PRDM6: variants seen among roughly 807,000 people sequenced by gnomAD.
The protein encoded by PRDM6 is PR/SET domain 6.
PRDM6 carries 25 observed loss-of-function variants against 60.8 expected under a neutral mutation model. The ratio of observed to expected loss-of-function variants is 0.41; its 90% CI spans 0.30 to 0.57. The LOEUF is 0.57. Ranked by LOEUF, PRDM6 falls within the 20% of genes least tolerant of loss-of-function variation. The pLI is 0.27. For synonymous variants in PRDM6, 407 were observed against 357.4 expected (o/e 1.14, Z -1.57); for missense variants, 839 against 821.3 (o/e 1.02, Z -0.26).
Position 123,090,139 on chromosome 5 carries a change from G to C in PRDM6, c.125G>C (p.Gly42Ala), listed in dbSNP as rs1010829654. 3.3e-6 allele frequency: 5 copies of C among 1,534,522 alleles called. No homozygotes were observed. The highest frequency in any genetic ancestry group is 1.2e-5 in the South Asian group (1 of 83,050). Residue 42 changes from glycine to alanine, a missense_variant, in exon 2 of 8, where the codon GGT (glycine) becomes GCT (alanine). Physicochemically the swap from Gly to Ala is moderately conservative, Grantham distance 60. This residue lies in a region of PRDM6 where 730 missense variants were observed against 648.8 expected (regional missense o/e 1.13). Transcript: ENST00000407847. The part of the protein sequence containing the change: ...AGPLKGSGAA[G>A]LLSAPQPLQP... ...CCGCTCAAGGGCAGCGGCGCCGCGG[G>C]TCTCCTGAGCGCGCCGCAGCCTCTT...
At chr5:123,124,591 T>C (rs1177637791) in intron 3 of PRDM6, among the ~76,000 whole-genome samples, 1 of 152,230 alleles carries the variant, frequency 6.6e-6, no homozygotes, top group Non-Finnish European at 1.5e-5. Flanking sequence ...AACTTTGCTG[T>C]TTTTGGCAAT....
At chr5:123,146,499 G>A (rs977559947) in intron 3 of PRDM6, among the ~76,000 whole-genome samples, 1 of 151,984 alleles carries the variant, frequency 6.6e-6, no homozygotes, top group Non-Finnish European at 1.5e-5. Context: ...TTTCCTGTTT[G>A]GTATAAAACT....
chr5:123,181,194 C>A (rs183750562), intron 7 of PRDM6, among the ~76,000 whole-genome samples: 65 of 152,296 alleles, frequency 4.3e-4, no homozygotes, highest in African/African-American at 1.5e-3. Context: ...ACAAGAGATA[C>A]AAAGGTGAAT....
chr5:123,090,251 C>A lies in PRDM6; in HGVS notation c.237C>A (p.Ala79=). The A allele has an allele frequency of 6.7e-7, 1 of 1,487,350 alleles. No individual in the cohort carries two copies. The highest frequency in any genetic ancestry group is 8.9e-7 in the Non-Finnish European group (1 of 1,118,980). 92.1% of individuals were successfully genotyped at this position (1,487,350 alleles called of 1,614,324 possible). The change falls in exon 2 of 8, where the codon GCC becomes GCA. Residue 79 remains alanine (A), a synonymous_variant. Coordinates refer to ENST00000407847, the MANE Select transcript of PRDM6 (RefSeq NM_001136239.4). ...LRPRPASLSS[A]SSTPASSSTS... ...CGCGGCCCGCCTCTCTCTCCTCCGC[C>A]TCGTCCACGCCGGCTTCCTCTTCCA... is the stretch of plus-strand genomic sequence containing the variant.
intron 3 of PRDM6, among the ~76,000 whole-genome samples, chr5:123,101,759 T>C (rs1764108885): frequency 6.6e-6 from 1 of 152,232 alleles, no homozygotes; most frequent in East Asian, 1.9e-4. Flanking sequence ...TTTGAATGAT[T>C]GGGATGTTGG....
At chr5:123,148,045 G>A (rs747544839) in intron 3 of PRDM6, among the ~76,000 whole-genome samples, 7 of 152,138 alleles carry the variant, frequency 4.6e-5, no homozygotes, top group Non-Finnish European at 8.8e-5. Context: ...TCACATGGCC[G>A]GCTCTCTGAT....
intron 3 of PRDM6, among the ~76,000 whole-genome samples, chr5:123,106,259 T>C (rs1764195440): frequency 6.6e-6 from 1 of 152,128 alleles, no homozygotes; most frequent in Non-Finnish European, 1.5e-5. Context: ...GAGCATAGTG[T>C]GCAGCCTGGG....
rs565991036 is a variant in PRDM6, at chr5:123,104,034, C to G, written c.900+4073C>G. 4.6e-5 allele frequency among the ~76,000 whole-genome samples: 7 copies of G among 152,092 alleles called. No individual in the cohort carries two copies. The South Asian group carries it at 1.5e-3, about 32-fold the overall frequency. ...CGTTTTCATTTGCACTATGTGGAAACCTTCATTATTTTTCTTCAGAAAATC... is the reference window on the plus strand; with the variant it reads ...CGTTTTCATTTGCACTATGTGGAAAGCTTCATTATTTTTCTTCAGAAAATC... On this transcript the variant is annotated intron_variant, in intron 3 of 7. Transcript: ENST00000407847.
intron 3 of PRDM6, among the ~76,000 whole-genome samples, chr5:123,150,767 G>A (rs1258006677): frequency 6.6e-6 from 1 of 152,152 alleles, no homozygotes; most frequent in Non-Finnish European, 1.5e-5. Flanking sequence ...TCCATGAGCT[G>A]TGAAAGGATT....
intron 4 of PRDM6, 90 bp downstream of exon 4, chr5:123,156,101 A>G (rs1765492570): frequency 2.3e-6 from 3 of 1,317,728 alleles, no homozygotes; most frequent in Non-Finnish European, 3.1e-6. Flanking sequence ...GGTAAAAAAA[A>G]TCCTGCAGAA....
chr5:123,171,838 T>C (rs1683684646), intron 6 of PRDM6, among the ~76,000 whole-genome samples: 1 of 152,174 alleles, frequency 6.6e-6, no homozygotes, highest in African/African-American at 2.4e-5. Flanking sequence ...AATGGAACTA[T>C]TATTTATGAA....
rs1339075445 is a variant in PRDM6, at chr5:123,090,338, C to G, written c.324C>G (p.Leu108=). Residue 108 remains leucine (L), a synonymous_variant, in exon 2 of 8, where the codon CTC becomes CTG. Coordinates refer to ENST00000407847, the MANE Select transcript of PRDM6 (RefSeq NM_001136239.4). ...AAAAAAALAG[L]SALPVSQLPV... Reference sequence around the variant, plus strand: ...CCGCTGCCGCCGCGCTGGCTGGTCTCTCGGCCCTGCCGGTGTCGCAGCTGC... The same window carrying G: ...CCGCTGCCGCCGCGCTGGCTGGTCTGTCGGCCCTGCCGGTGTCGCAGCTGC... 11 of 1,478,000 alleles carry G rather than the reference C, an allele frequency of 7.4e-6. No homozygotes were observed. The highest frequency in any genetic ancestry group is 8.9e-6 in the Non-Finnish European group (10 of 1,118,792). 91.6% of individuals were successfully genotyped at this position (1,478,000 alleles called of 1,614,324 possible).
chr5:123,177,249 A>G (rs987043844), intron 6 of PRDM6, among the ~76,000 whole-genome samples: 1 of 152,220 alleles, frequency 6.6e-6, no homozygotes, highest in Non-Finnish European at 1.5e-5. Flanking sequence ...TTAAGGAAAT[A>G]TTGAAAATAC....
intron 3 of PRDM6, among the ~76,000 whole-genome samples, chr5:123,100,960 A>G (rs1490505276): frequency 6.6e-6 from 1 of 152,240 alleles, no homozygotes; most frequent in Non-Finnish European, 1.5e-5. Context: ...GTGGTATAAT[A>G]AAGTAGGAAT....
intron 5 of PRDM6, among the ~76,000 whole-genome samples, chr5:123,170,487 A>T (rs1242733258): frequency 6.6e-6 from 1 of 152,038 alleles, no homozygotes; most frequent in East Asian, 1.9e-4. Context: ...CTCACTATGG[A>T]CTCCTGTATG....
intron 3 of PRDM6, among the ~76,000 whole-genome samples, chr5:123,104,949 C>T (rs1376496076): frequency 1.3e-5 from 2 of 150,192 alleles, no homozygotes; most frequent in Admixed American, 1.3e-4. Context: ...ACAGTGCCAC[C>T]CTTGGTTTTC....
intron 3 of PRDM6, among the ~76,000 whole-genome samples, chr5:123,117,762 TAAA>T (rs1764490173): frequency 1.0e-5 from 1 of 98,500 alleles, no homozygotes; most frequent in South Asian, 3.0e-4. Context: ...TGTGAAGGCC[TAAA>T]CAGCATTTGC....
chr5:123,161,142 A>T (rs1024418571), intron 5 of PRDM6, among the ~76,000 whole-genome samples: 1 of 152,238 alleles, frequency 6.6e-6, no homozygotes, highest in Non-Finnish European at 1.5e-5. Flanking sequence ...TTCTTCTTTT[A>T]CTACAACCTG....
chr5:123,093,398 C>T (rs1312698890), intron 2 of PRDM6, among the ~76,000 whole-genome samples: 1 of 152,166 alleles, frequency 6.6e-6, no homozygotes, highest in Non-Finnish European at 1.5e-5. Flanking sequence ...ACTTTATTGG[C>T]ATCTATGGTA....
Sources: gnomAD v4.1 joint callset for allele counts (sites outside exome capture counted in the v4.1 genomes callset) on GRCh38, gnomAD v4.1.1 for gene constraint, gnomAD v4.1.1 regional missense constraint, MANE v1.5 for transcripts, NCBI Gene and HGNC (gene_info 2026-07-23, HGNC 2026-07-21) for gene names.